The following KCTD14 variants were observed in gnomAD, a reference collection of about 807,000 sequenced individuals.
KCTD14 encodes the protein potassium channel tetramerization domain containing 14.
Under a neutral mutation model 5.9 loss-of-function variants are expected in KCTD14, and 7 were observed. The observed-to-expected ratio is 1.19, with a 90% CI of 0.68 to 2.23. The LOEUF is 2.23. Ranked by LOEUF, KCTD14 falls within the 30% of genes most tolerant of loss-of-function variation. The pLI is 0.00. For synonymous variants in KCTD14, 140 were observed against 133.1 expected, an observed-to-expected ratio of 1.05 and a Z score of -0.36; for missense variants, 342 against 332.2, an observed-to-expected ratio of 1.03 and a Z score of -0.23.
At chr11:78,026,390 C>G (rs1200796052), upstream of KCTD14, among the ~76,000 whole-genome samples, 1 of 152,014 alleles carries the variant, frequency 6.6e-6, no homozygotes, top group East Asian at 1.9e-4. Flanking sequence ...TTGCAGCGAG[C>G]TGAGATCGCA....
At chr11:78,036,506 A>G (rs958726456) in intron 2 of KCTD14, among the ~76,000 whole-genome samples, 2 of 152,260 alleles carry the variant, frequency 1.3e-5, no homozygotes, top group African/African-American at 4.8e-5. Flanking sequence ...AAAGTCCCAC[A>G]GCTAAATAAA....
At chr11:78,029,266 C>A (rs964713299) in intron 2 of KCTD14, among the ~76,000 whole-genome samples, 2 of 151,884 alleles carry the variant, frequency 1.3e-5, no homozygotes, top group Middle Eastern at 3.4e-3. Context: ...GTCGCTGACA[C>A]GCCCAGATAA....
intron 1 of KCTD14, among the ~76,000 whole-genome samples, chr11:78,045,884 AC>A (rs1858122622): frequency 1.3e-5 from 2 of 151,986 alleles, no homozygotes; most frequent in Admixed American, 6.5e-5. Context: ...CCCCCACCCC[AC>A]CCAGGAAGAG....
chr11:78,038,858 A>C lies in KCTD14; in HGVS notation c.-95-100T>G, dbSNP rs184182997. 344 of 1,337,956 alleles carry C rather than the reference A, an allele frequency of 2.6e-4. No individual in the cohort carries two copies. The African/African-American group carries it at 3.7e-3, about 14-fold the overall frequency. 82.9% of individuals were successfully genotyped at this position (1,337,956 alleles called of 1,614,324 possible). On this transcript the variant is annotated intron_variant, in intron 1 of 2. Transcript: ENST00000533144. ...AGGCCAGGAGCCTGACTGGAGCCAC[A>C]CTGCAGAACTGGATGGCTACTGCTG... is the stretch of plus-strand genomic sequence containing the variant.
At chr11:78,045,040 C>G (rs1194141164) in intron 1 of KCTD14, among the ~76,000 whole-genome samples, 3 of 152,160 alleles carry the variant, frequency 2.0e-5, no homozygotes, top group Non-Finnish European at 4.4e-5. Context: ...AGAGGAAGGT[C>G]ACACACAAGT....
upstream of KCTD14, among the ~76,000 whole-genome samples, chr11:78,026,544 G>T (rs1857470949): frequency 6.6e-6 from 1 of 152,086 alleles, no homozygotes; most frequent in Non-Finnish European, 1.5e-5. Flanking sequence ...CAAGATGGGA[G>T]GATCACTTGA....
At chr11:78,043,177 T>C (rs1292817329) in intron 1 of KCTD14, among the ~76,000 whole-genome samples, 1 of 152,224 alleles carries the variant, frequency 6.6e-6, no homozygotes, top group African/African-American at 2.4e-5. Context: ...GCACACACCC[T>C]ATGTTCCAGC....
chr11:78,024,734 T>C (rs61710718), upstream of KCTD14, among the ~76,000 whole-genome samples: 10,309 of 151,768 alleles, frequency 0.068, 1,131 homozygotes, highest in African/African-American at 0.24. Flanking sequence ...TCACCTGAGG[T>C]TAGGAGTTCG....
chr11:78,044,579 T>C (rs1858081627), intron 1 of KCTD14, among the ~76,000 whole-genome samples: 2 of 152,130 alleles, frequency 1.3e-5, no homozygotes, highest in Non-Finnish European at 1.5e-5. Context: ...AGGCCAGCCA[T>C]GCCGCACAGG....
chr11:78,017,135 G>A lies in KCTD14; in HGVS notation c.226C>T (p.Arg76Cys), dbSNP rs199818651. ...LAKASTDAEG[R>C]FFIDRPSTYF... ...GTGCTGGGGCGGTCGATGAAGAAGC[G>A]GCCCTCCGCGTCCGTGGAGGCCTTG... Residue 76 changes from arginine to cysteine, a missense_variant, in exon 2 of 2, where the codon CGC becomes TGC. Arg to Cys is a radical substitution (Grantham distance 180). Coordinates refer to ENST00000353172, the MANE Select transcript of KCTD14 (RefSeq NM_023930.4). 1.3e-4 allele frequency: 206 copies of A among 1,614,120 alleles called. 1 individual carries two copies. The East Asian group carries it at 3.2e-3, about 25-fold the overall frequency.
At chr11:78,025,104 GTGTGTGTGTGTGTGTATATATA>G (rs1159673738), upstream of KCTD14, among the ~76,000 whole-genome samples, 1 of 64,758 alleles carries the variant, frequency 1.5e-5, no homozygotes, top group African/African-American at 8.5e-5. Context: ...GTGTGTGTGT[GTGTGTGTGTGTGTGTATATATA>G]TATATATATA....
upstream of KCTD14, among the ~76,000 whole-genome samples, chr11:78,024,997 A>G (rs1276806770): frequency 7.2e-6 from 1 of 139,360 alleles, no homozygotes; most frequent in Admixed American, 7.2e-5. Flanking sequence ...ATACACATAT[A>G]TTTGTATATA....
At chr11:78,020,205 G>A (rs1027624387) in intron 1 of KCTD14, among the ~76,000 whole-genome samples, 1 of 152,196 alleles carries the variant, frequency 6.6e-6, no homozygotes, top group African/African-American at 2.4e-5. Context: ...CGCTGCTGCT[G>A]AGGAATAGAT....
chr11:78,041,807 C>T (rs1423283927), intron 1 of KCTD14, among the ~76,000 whole-genome samples: 2 of 152,260 alleles, frequency 1.3e-5, no homozygotes, highest in Non-Finnish European at 2.9e-5. Context: ...CCCAATCGTG[C>T]TAAAGGCTTG....
At chr11:78,030,558 C>T (rs76340304) in intron 2 of KCTD14, among the ~76,000 whole-genome samples, 10,754 of 152,290 alleles carry the variant, frequency 0.071, 1,226 homozygotes, top group African/African-American at 0.25. Flanking sequence ...TTGCCTATCA[C>T]TGGATCTTGT....
chr11:78,039,948 T>C (rs1206903257), intron 1 of KCTD14, among the ~76,000 whole-genome samples: 1 of 152,172 alleles, frequency 6.6e-6, no homozygotes, highest in Non-Finnish European at 1.5e-5. Flanking sequence ...ACTATAATAG[T>C]GCTGCAGTGA....
At chr11:78,030,625 C>G (rs1011955286) in intron 2 of KCTD14, among the ~76,000 whole-genome samples, 1 of 152,222 alleles carries the variant, frequency 6.6e-6, no homozygotes, top group Non-Finnish European at 1.5e-5. Context: ...TCCCCTCACT[C>G]ACTCCCCTCT....
chr11:78,028,439 C>G lies in KCTD14; in HGVS notation c.-1+10225G>C, dbSNP rs556099305. Among the ~76,000 whole-genome samples the G allele has an allele frequency of 2.0e-5, 3 of 152,078 alleles. No homozygotes were observed. The East Asian group carries it at 5.8e-4, about 29-fold the overall frequency. On this transcript the variant is annotated intron_variant, in intron 2 of 2. Transcript: ENST00000533144. ...CCAGCATAGTGAAACCCCATATCTA[C>G]TAAAAATACAAAAATTAGCCGGGCA...
At chr11:78,025,085 CGTGTGTGTGT>C (rs1163862866), upstream of KCTD14, among the ~76,000 whole-genome samples, 31 of 89,370 alleles carry the variant, frequency 3.5e-4, no homozygotes, top group Non-Finnish European at 5.3e-4. Flanking sequence ...TATATACACA[CGTGTGTGTGT>C]GTGTGTGTGT....
Sources: allele counts gnomAD v4.1 joint callset (sites outside exome capture counted in the v4.1 genomes callset), GRCh38; gene constraint gnomAD v4.1.1; transcripts MANE v1.5; gene names NCBI Gene and HGNC (gene_info 2026-07-23, HGNC 2026-07-21).